The following FMN2 variants were observed in gnomAD, a reference collection of about 807,000 sequenced individuals.
The protein encoded by FMN2 is formin-2.
Under a neutral mutation model 142.3 loss-of-function variants are expected in FMN2, and 51 were observed. The ratio of observed to expected loss-of-function variants is 0.36; its 90% confidence interval spans 0.29 to 0.45. The LOEUF (loss-of-function observed/expected upper bound fraction) is 0.45. FMN2 is among the 20% of genes least tolerant of loss of function. The pLI is 1.00. For missense variants in FMN2, 1,936 were observed against 2,122.8 expected, an observed-to-expected ratio of 0.91 and a Z score of 1.73; for synonymous variants, 882 against 869.8, an observed-to-expected ratio of 1.01 and a Z score of -0.25.
chr1:240,320,674 G>T lies in FMN2; in HGVS notation c.4216-8402G>T, dbSNP rs114101056. On this transcript the variant is annotated intron_variant, in intron 8 of 17. Transcript: ENST00000319653. The stretch of plus-strand genomic sequence containing the variant: ...CTCAAAGTGCTTAAGTATGGGGGTG[G>T]GTGGTTGAGAATTTAATGATCAGCT... Among the ~76,000 whole-genome samples the T allele has an allele frequency of 9.2e-3, 1,405 of 152,234 alleles. 11 individuals carry two copies. Among genetic ancestry groups the T allele is most frequent in the Non-Finnish European group, 0.014 (939 of 68,014 alleles).
intron 13 of FMN2, chr1:240,341,544 G>T (rs1671741257): frequency 1.3e-5 from 2 of 151,934 alleles, no homozygotes; most frequent in South Asian, 2.1e-4. Flanking sequence ...ATAAAATTCA[G>T]TTGGAACACA....
intron 14 of FMN2, among the ~76,000 whole-genome samples, chr1:240,359,526 GGTCCAC>G (rs1672390554): frequency 6.6e-6 from 1 of 152,032 alleles, no homozygotes. Context: ...TGTGGTCTGT[GGTCCAC>G]ACTCTAAGAG....
chr1:240,386,583 G>T (rs949756960), intron 14 of FMN2, among the ~76,000 whole-genome samples: 1 of 152,148 alleles, frequency 6.6e-6, no homozygotes, highest in African/African-American at 2.4e-5. Flanking sequence ...TTCACATTGC[G>T]AAAGAGTCTG....
chr1:240,317,305 T>TAAAAAA (rs374121506), intron 8 of FMN2, among the ~76,000 whole-genome samples: 1 of 146,354 alleles, frequency 6.8e-6, no homozygotes, highest in Non-Finnish European at 1.5e-5. Flanking sequence ...AGACTCCATC[T>TAAAAAA]AAAAAGAAAA....
chr1:240,220,853 C>T (rs1572082786), intron 6 of FMN2, among the ~76,000 whole-genome samples: 1 of 152,118 alleles, frequency 6.6e-6, no homozygotes, highest in Admixed American at 6.5e-5. Context: ...TCTCCTAATG[C>T]TATCCCTCCT....
At chr1:240,217,605 A>G (rs565009753) in intron 6 of FMN2, among the ~76,000 whole-genome samples, 1 of 152,210 alleles carries the variant, frequency 6.6e-6, no homozygotes, top group Non-Finnish European at 1.5e-5. Flanking sequence ...CAAAACTATA[A>G]TTAGACAAGC....
chr1:240,323,466 G>T (rs1217011880), intron 8 of FMN2, among the ~76,000 whole-genome samples: 1 of 152,170 alleles, frequency 6.6e-6, no homozygotes, highest in African/African-American at 2.4e-5. Context: ...AAAGTGCTGA[G>T]ATTACAGGCG....
chr1:240,129,055 G>A (rs1323993347), intron 2 of FMN2, among the ~76,000 whole-genome samples: 2 of 151,940 alleles, frequency 1.3e-5, no homozygotes, highest in Non-Finnish European at 2.9e-5. Flanking sequence ...TGTATTTTTA[G>A]TAGTGACGAG....
At chr1:240,144,025 C>T in intron 2 of FMN2, 1 of 1,138,334 alleles carries the variant, frequency 8.8e-7, no homozygotes. Flanking sequence ...CCCCAGAGTT[C>T]ACTATGCCAC....
At chr1:240,403,869 C>T (rs1174816797) in intron 15 of FMN2, among the ~76,000 whole-genome samples, 1 of 152,066 alleles carries the variant, frequency 6.6e-6, no homozygotes, top group African/African-American at 2.4e-5. Context: ...CACTACATTC[C>T]CTCTCCTACT....
intron 8 of FMN2, among the ~76,000 whole-genome samples, chr1:240,307,400 G>T (rs964434537): frequency 1.2e-4 from 19 of 152,062 alleles, no homozygotes. Flanking sequence ...AGTTTTTAAT[G>T]CATCTTGAGT....
intron 4 of FMN2, among the ~76,000 whole-genome samples, chr1:240,204,957 G>T (rs1385966078): frequency 6.6e-6 from 1 of 152,144 alleles, no homozygotes; most frequent in African/African-American, 2.4e-5. Flanking sequence ...ACTTTGTGGA[G>T]ATATTTCTTG....
chr1:240,202,024 C>A (rs1666144321), intron 4 of FMN2, among the ~76,000 whole-genome samples: 1 of 152,190 alleles, frequency 6.6e-6, no homozygotes, highest in African/African-American at 2.4e-5. Context: ...TGTTTTCAGA[C>A]CTTAACTGCT....
chr1:240,138,064 CAAAA>C (rs369637580), intron 2 of FMN2, among the ~76,000 whole-genome samples: 15 of 95,588 alleles, frequency 1.6e-4, no homozygotes, highest in South Asian at 3.2e-4. Flanking sequence ...GACTCCATCT[CAAAA>C]AAAAAAAAAA....
At chr1:240,350,819 G>A (rs1397539369) in intron 13 of FMN2, among the ~76,000 whole-genome samples, 1 of 152,218 alleles carries the variant, frequency 6.6e-6, no homozygotes, top group Non-Finnish European at 1.5e-5. Context: ...ATAAGTAGAA[G>A]TTCAAAACTG....
chr1:240,396,351 AAGAT>A (rs1450369648), intron 15 of FMN2, among the ~76,000 whole-genome samples: 7 of 144,190 alleles, frequency 4.9e-5, no homozygotes, highest in East Asian at 4.1e-4. Flanking sequence ...TGTGTAAAGA[AAGAT>A]AGAGAATTGA....
chr1:240,423,966 A>G (rs1674854287), intron 15 of FMN2, among the ~76,000 whole-genome samples: 2 of 152,236 alleles, frequency 1.3e-5, no homozygotes, highest in Non-Finnish European at 2.9e-5. Context: ...ACAGAACATA[A>G]AAACAACTCA....
intron 2 of FMN2, among the ~76,000 whole-genome samples, chr1:240,153,590 C>T (rs185865388): frequency 6.6e-6 from 1 of 151,990 alleles, no homozygotes; most frequent in African/African-American, 2.4e-5. Context: ...GCCTTGAACT[C>T]AGGGCTCAAG....
chr1:240,454,500 C>T (rs1411447431), intron 16 of FMN2, among the ~76,000 whole-genome samples: 2 of 152,150 alleles, frequency 1.3e-5, no homozygotes, highest in Non-Finnish European at 2.9e-5. Context: ...TGAGATCGCA[C>T]CACTGCACTT....
Sources: allele counts gnomAD v4.1 joint callset (sites outside exome capture counted in the v4.1 genomes callset), GRCh38; gene constraint gnomAD v4.1.1; transcripts MANE v1.5; gene names NCBI Gene and HGNC (gene_info 2026-07-23, HGNC 2026-07-21).